TRPV1: variants seen among roughly 807,000 people sequenced by gnomAD.
TRPV1 encodes the protein transient receptor potential cation channel subfamily V member 1.
In TRPV1, 82 loss-of-function variants were observed where a neutral mutation model predicts 82.3. The observed-to-expected ratio is 1.00, with a 90% CI of 0.83 to 1.20. TRPV1 has a LOEUF of 1.20. Ranked by LOEUF, TRPV1 falls within the 50% of genes most tolerant of loss-of-function variation. TRPV1 has a pLI of 0.00. For synonymous variants in TRPV1, 515 were observed against 467.7 expected (o/e 1.10, Z -1.30); for missense variants, 1,067 against 1,096.8 (o/e 0.97, Z 0.38).
At chr17:3,580,108 C>A (rs61387317) in intron 11 of TRPV1, among the ~76,000 whole-genome samples, 47,024 of 151,486 alleles carry the variant, frequency 0.31, 8,296 homozygotes, top group East Asian at 0.54. Context: ...CACAACCCCC[C>A]GTTAAAGATA....
intron 2 of TRPV1, among the ~76,000 whole-genome samples, chr17:3,606,936 G>T (rs952789688): frequency 1.3e-5 from 2 of 152,142 alleles, no homozygotes; most frequent in African/African-American, 4.8e-5. Flanking sequence ...GAGATTAGAC[G>T]GCCTGGCTCC....
At chr17:3,573,610 A>AC (rs752517924) in intron 14 of TRPV1, 23 bp downstream of exon 14, 1 of 1,311,202 alleles carries the variant, frequency 7.6e-7, no homozygotes, top group Non-Finnish European at 1.0e-6. Context: ...GCCACTCACC[A>AC]CCCCCCAACT....
chr17:3,572,724 T>G (rs1388895060), intron 14 of TRPV1, among the ~76,000 whole-genome samples: 1 of 152,196 alleles, frequency 6.6e-6, no homozygotes, highest in Non-Finnish European at 1.5e-5. Flanking sequence ...GGCTCACGCC[T>G]GTGATCCCAG....
chr17:3,589,094 A>G (rs1015789302), intron 7 of TRPV1: 12 of 777,594 alleles, frequency 1.5e-5, no homozygotes, highest in Non-Finnish European at 2.3e-5. Flanking sequence ...GAGGCCTGTC[A>G]CCAGGAGCCA....
At chr17:3,604,174 A>G (rs1174988951) in intron 2 of TRPV1, among the ~76,000 whole-genome samples, 1 of 152,244 alleles carries the variant, frequency 6.6e-6, no homozygotes, top group Non-Finnish European at 1.5e-5. Flanking sequence ...GGCCTTGGAC[A>G]AGGAGAAGGA....
chr17:3,570,239 A>G (rs1478171217), intron 16 of TRPV1, among the ~76,000 whole-genome samples: 2 of 152,034 alleles, frequency 1.3e-5, no homozygotes, highest in Admixed American at 1.3e-4. Context: ...GCGTGGTGGC[A>G]GGCACCTGTA....
chr17:3,599,663 C>T (rs1366548206), intron 2 of TRPV1, among the ~76,000 whole-genome samples: 1 of 148,162 alleles, frequency 6.7e-6, no homozygotes, highest in Non-Finnish European at 1.5e-5. Context: ...AAGTCTCACT[C>T]TGTCCCCCAG....
intron 16 of TRPV1, among the ~76,000 whole-genome samples, chr17:3,567,777 A>G (rs80236845): frequency 6.8e-6 from 1 of 147,538 alleles, no homozygotes; most frequent in East Asian, 2.0e-4. Context: ...TTCTGTCTCA[A>G]AAAAAAAAAA....
intron 10 of TRPV1, among the ~76,000 whole-genome samples, chr17:3,580,867 C>A (rs534021054): frequency 6.6e-5 from 10 of 152,000 alleles, no homozygotes; most frequent in Middle Eastern, 6.8e-3. Flanking sequence ...AAATACAAAA[C>A]AATTAGCTGC....
At chr17:3,572,341 C>G in intron 14 of TRPV1, 92 bp from the exon 15 acceptor site, 1 of 1,471,918 alleles carries the variant, frequency 6.8e-7, no homozygotes, top group Non-Finnish European at 9.1e-7. Context: ...CCCAGGGGCT[C>G]TCCCAGGCCT....
At chr17:3,597,528 T>C (rs1244232908) in intron 2 of TRPV1, among the ~76,000 whole-genome samples, 1 of 152,130 alleles carries the variant, frequency 6.6e-6, no homozygotes, top group East Asian at 1.9e-4. Flanking sequence ...CTAACTCTCT[T>C]AGGCCTCTCG....
At position 3,582,189 on chromosome 17, in the gene TRPV1, CAAAA is replaced by C. The variant is rs71153376; in HGVS notation, c.1476+1145_1476+1148del. 1.9e-4 allele frequency among the ~76,000 whole-genome samples: 5 copies of C among 25,912 alleles called. No homozygotes were observed. In the Admixed American group the frequency reaches 2.1e-3, roughly 11 times the overall value. The allele number at this position is 25,912 out of a possible 152,430, so 17.0% of individuals were successfully genotyped here. On this transcript the variant is annotated intron_variant, in intron 10 of 16. Coordinates refer to ENST00000572705, the MANE Select transcript of TRPV1 (RefSeq NM_080704.4). ...TGGGCGAAAGAGTGAGACTCCATCTCAAAAAAAAAAAAAAAAAAAAAAAAATCAC... is the reference window on the plus strand; with the variant it reads ...TGGGCGAAAGAGTGAGACTCCATCTCAAAAAAAAAAAAAAAAAAAAATCAC...
intron 9 of TRPV1, among the ~76,000 whole-genome samples, chr17:3,583,880 C>T (rs1245700303): frequency 1.3e-5 from 2 of 152,180 alleles, no homozygotes; most frequent in Non-Finnish European, 1.5e-5. Flanking sequence ...TGGGTGTCAC[C>T]CTTGTATTTC....
intron 16 of TRPV1, among the ~76,000 whole-genome samples, chr17:3,571,208 A>G (rs1272539561): frequency 6.6e-6 from 1 of 152,198 alleles, no homozygotes; most frequent in Non-Finnish European, 1.5e-5. Flanking sequence ...AGGGCAGCCC[A>G]TACAAGGAGG....
intron 2 of TRPV1, among the ~76,000 whole-genome samples, chr17:3,593,136 GTC>G (rs796778992): frequency 0.026 from 750 of 28,752 alleles, 15 homozygotes; most frequent in African/African-American, 0.17. Flanking sequence ...GTGTGTGTGT[GTC>G]TGTGTGTCTC....
At chr17:3,572,022 C>T in intron 15 of TRPV1, 100 bp downstream of exon 15, 1 of 1,474,798 alleles carries the variant, frequency 6.8e-7, no homozygotes, top group Non-Finnish European at 9.2e-7. Flanking sequence ...GCCCCCTGTG[C>T]TCATGACCAG....
rs1438021456 is a variant in TRPV1, at chr17:3,577,913, T to C, written c.1548-150A>G. ...TGTCCTGACTCTTTCAGCCCAGGCG[T>C]TCTCCGTGGAAGCAGCATCGTCCCC... On this transcript the variant is annotated intron_variant, in intron 11 of 16. Transcript: ENST00000572705. 5.8e-6 allele frequency: 4 copies of C among 687,374 alleles called. No homozygotes were observed. The East Asian group carries it at 1.1e-4, about 19-fold the overall frequency. 42.6% of individuals were successfully genotyped at this position (687,374 alleles called of 1,614,324 possible).
Position 3,584,402 on chromosome 17 carries a change from C to CAAAAAA in TRPV1, c.1384-978_1384-973dup, listed in dbSNP as rs1447579699. 1.6e-3 allele frequency among the ~76,000 whole-genome samples: 26 copies of CAAAAAA among 16,770 alleles called. 3 individuals carry two copies. The South Asian group carries it at 0.032, about 21-fold the overall frequency. The allele number at this position is 16,770 out of a possible 152,430, so 11.0% of individuals were successfully genotyped here. On this transcript the variant is annotated intron_variant, in intron 9 of 16. Coordinates refer to ENST00000572705, the MANE Select transcript of TRPV1 (RefSeq NM_080704.4). ...TGGAAAACAGAGAGAGACTCTGTCT[C>CAAAAAA]AAAAAAAAAAAAAATAAAATAAAAA...
At chr17:3,589,697 G>A in intron 7 of TRPV1, 110 bp downstream of exon 7, 1 of 1,288,932 alleles carries the variant, frequency 7.8e-7, no homozygotes, top group Non-Finnish European at 1.1e-6. Context: ...GACAGAATCA[G>A]AGTCCCGCAC....
Sources: gnomAD v4.1 joint callset for allele counts (sites outside exome capture counted in the v4.1 genomes callset) on GRCh38, gnomAD v4.1.1 for gene constraint, MANE v1.5 for transcripts, NCBI Gene and HGNC (gene_info 2026-07-23, HGNC 2026-07-21) for gene names.